The following PRAG1 variants were observed in gnomAD, a reference collection of about 807,000 sequenced individuals.
PRAG1 encodes the protein PEAK1 related, kinase-activating pseudokinase 1, also known as inactive tyrosine-protein kinase PRAG1.
Under a neutral mutation model 95.6 loss-of-function variants are expected in PRAG1, and 110 were observed. The ratio of observed to expected loss-of-function variants is 1.15; its 90% CI spans 0.99 to 1.35. The LOEUF (loss-of-function observed/expected upper bound fraction) is 1.35. PRAG1 is among the 40% of genes most tolerant of loss of function. PRAG1 has a pLI of 0.00. For synonymous variants in PRAG1, 1,052 were observed against 819.4 expected (o/e 1.28, Z -4.85); for missense variants, 2,554 against 1,864.7 (o/e 1.37, Z -6.81).
At chr8:8,379,405 T>C (rs1800558983) in intron 2 of PRAG1, among the ~76,000 whole-genome samples, 1 of 152,206 alleles carries the variant, frequency 6.6e-6, no homozygotes, top group Non-Finnish European at 1.5e-5. Context: ...GGCCTGCCTC[T>C]GGCTTCTTTC....
chr8:8,335,177 C>T (rs1414718031), intron 4 of PRAG1, among the ~76,000 whole-genome samples: 2 of 152,050 alleles, frequency 1.3e-5, no homozygotes, highest in Non-Finnish European at 2.9e-5. Context: ...TATGTCAGTT[C>T]CACTTCTTCT....
chr8:8,377,446 G>C lies in PRAG1; in HGVS notation c.963C>G (p.Ser321=), dbSNP rs767806147. The change falls in exon 3 of 6, where the codon TCC becomes TCG. Residue 321 remains serine, a synonymous_variant. Transcript: ENST00000615670. ...GGGACAGTTTCTTGGGGCCCAGGCAGGATGGGTGGGCAGTGGGGCCCTGGC... is the reference window on the plus strand; with the variant it reads ...GGGACAGTTTCTTGGGGCCCAGGCACGATGGGTGGGCAGTGGGGCCCTGGC... ...CCSQGPTAHP[S]CLGPKKLSLT... is the part of the protein sequence containing the mutation. The C allele has an allele frequency of 6.4e-7, 1 of 1,554,090 alleles. No homozygotes were observed. The highest frequency in any genetic ancestry group is 1.2e-5 in the South Asian group (1 of 80,532).
At chr8:8,356,022 G>A (rs73184338) in intron 3 of PRAG1, among the ~76,000 whole-genome samples, 16,847 of 152,218 alleles carry the variant, frequency 0.11, 1,028 homozygotes, top group African/African-American at 0.13. Context: ...TGCAAACCAC[G>A]TGTCTGATAA....
At position 8,328,202 on chromosome 8, in the gene PRAG1, A is replaced by C; in HGVS notation, c.2580T>G (p.Ser860=). 1 of 1,614,132 alleles carries C rather than the reference A, an allele frequency of 6.2e-7. No homozygotes were observed. The highest frequency in any genetic ancestry group is 8.5e-7 in the Non-Finnish European group (1 of 1,180,026). ...CGGGGCTCAACGAATAGCTAAAGTG[A>C]GATTCGTCGTGGACGTTGGTTTCCG... ...SHSETNVHDE[S]HFSYSLSPGN... Residue 860 remains serine, a synonymous_variant, in exon 5 of 6, where the codon TCT becomes TCG. Transcript: ENST00000615670.
At chr8:8,332,946 G>C (rs1318576943) in intron 4 of PRAG1, among the ~76,000 whole-genome samples, 1 of 151,680 alleles carries the variant, frequency 6.6e-6, no homozygotes, top group Admixed American at 6.6e-5. Context: ...AAATAACAGG[G>C]AACAAATATA....
intron 4 of PRAG1, among the ~76,000 whole-genome samples, chr8:8,331,971 C>A (rs1018383652): frequency 1.3e-5 from 2 of 152,074 alleles, no homozygotes; most frequent in Admixed American, 1.3e-4. Context: ...GTTTGGGGCA[C>A]CAAACTCAGT....
chr8:8,380,781 A>G (rs1260436270), intron 2 of PRAG1, among the ~76,000 whole-genome samples: 1 of 144,474 alleles, frequency 6.9e-6, no homozygotes, highest in South Asian at 2.2e-4. Context: ...TGAACCAGGG[A>G]GTCAGAGATT....
At chr8:8,346,565 G>C (rs775126301) in intron 3 of PRAG1, among the ~76,000 whole-genome samples, 1 of 152,156 alleles carries the variant, frequency 6.6e-6, no homozygotes, top group Non-Finnish European at 1.5e-5. Context: ...TTGGTGGAAA[G>C]CTGGAAAAAA....
intron 2 of PRAG1, among the ~76,000 whole-genome samples, chr8:8,380,013 G>C (rs143125762): frequency 1.3e-5 from 2 of 152,318 alleles, no homozygotes; most frequent in African/African-American, 2.4e-5. Context: ...GGCTGAGGCA[G>C]ATGGACCACT....
intron 4 of PRAG1, among the ~76,000 whole-genome samples, chr8:8,334,186 G>GCAATCCCAGTA (rs1798913653): frequency 6.6e-6 from 1 of 152,216 alleles, no homozygotes; most frequent in African/African-American, 2.4e-5. Flanking sequence ...ACTCATGCCT[G>GCAATCCCAGTA]CAATCCCAGT....
chr8:8,373,925 G>C (rs1012411404), intron 3 of PRAG1, among the ~76,000 whole-genome samples: 1 of 152,124 alleles, frequency 6.6e-6, no homozygotes, highest in African/African-American at 2.4e-5. Flanking sequence ...AACCCTACCT[G>C]AGTCATGTTG....
At position 8,376,557 on chromosome 8, in the gene PRAG1, A is replaced by G. The variant is rs1227282425; in HGVS notation, c.1852T>C (p.Ser618Pro). The G allele has an allele frequency of 1.2e-6, 2 of 1,608,846 alleles. No individual in the cohort carries two copies. Among genetic ancestry groups the G allele is most frequent in the Non-Finnish European group, 8.5e-7 (1 of 1,176,332 alleles). Residue 618 changes from serine (S) to proline (P), a missense_variant, in exon 3 of 6, where the codon TCG becomes CCG. By Grantham distance (74) the Ser-to-Pro change is moderately conservative. Coordinates refer to ENST00000615670, the MANE Select transcript of PRAG1 (RefSeq NM_001080826.3). ...GGCCGCCTCTGTTCCGAGGCTGACG[A>G]GGCGGCAGGCTGGGGACACCTGGAT... ...DPSRCPQPAA[S>P]SASEQRRPRF...
chr8:8,334,814 C>T (rs1163828873), intron 4 of PRAG1, among the ~76,000 whole-genome samples: 2 of 151,776 alleles, frequency 1.3e-5, no homozygotes, highest in African/African-American at 4.8e-5. Context: ...CGGGCACAGT[C>T]GCTCATGCCT....
chr8:8,373,068 G>C (rs1800265921), intron 3 of PRAG1, among the ~76,000 whole-genome samples: 1 of 152,174 alleles, frequency 6.6e-6, no homozygotes, highest in African/African-American at 2.4e-5. Context: ...CTTGTATGTT[G>C]CTTGAAGACC....
chr8:8,376,507 A>G lies in PRAG1; in HGVS notation c.1902T>C (p.Ser634=). Residue 634 remains serine (S), a synonymous_variant, in exon 3 of 6, where the codon AGT becomes AGC. Transcript: ENST00000615670. The part of the protein sequence containing the change: ...RRPRFQAGTW[S]RQCRIEEEEE... ...CTTCTTCCTCTATCCGGCACTGACG[A>G]CTCCAGGTGCCTGCCTGGAACCTGG... The G allele has an allele frequency of 6.2e-7, 1 of 1,609,626 alleles. No homozygotes were observed. Among genetic ancestry groups the G allele is most frequent in the Non-Finnish European group, 8.5e-7 (1 of 1,177,222 alleles).
chr8:8,341,197 G>C (rs1799150880), intron 3 of PRAG1, among the ~76,000 whole-genome samples: 1 of 152,242 alleles, frequency 6.6e-6, no homozygotes. Context: ...CACTAAGGGA[G>C]AAACTACAGC....
intron 3 of PRAG1, among the ~76,000 whole-genome samples, chr8:8,344,068 A>G (rs1044757946): frequency 3.6e-4 from 55 of 152,292 alleles, no homozygotes; most frequent in African/African-American, 1.3e-3. Context: ...AGTCCTTAAA[A>G]TGTGGCATGC....
chr8:8,377,142 C>T lies in PRAG1; in HGVS notation c.1267G>A (p.Ala423Thr), dbSNP rs1157311541. 1 of 1,612,404 alleles carries T rather than the reference C, an allele frequency of 6.2e-7. No individual in the cohort carries two copies. The highest frequency in any genetic ancestry group is 1.7e-5 in the Admixed American group (1 of 60,030). The change falls in exon 3 of 6, where the codon GCT (alanine) becomes ACT (threonine). Residue 423 changes from alanine (A) to threonine (T), a missense_variant. Transcript: ENST00000615670. ...GCCTGTGACTTGGAAGGCACCGGAG[C>T]TGCCTTCTTCCTCTTGGTGCTCTCA... The part of the protein sequence containing the change: ...YAESTKRKKA[A>T]PVPSKSQAKI...
At position 8,363,093 on chromosome 8, in the gene PRAG1, G is replaced by GTATA. The variant is rs60223631; in HGVS notation, c.2162+13150_2162+13153dup. 5.1e-4 allele frequency among the ~76,000 whole-genome samples: 73 copies of GTATA among 142,240 alleles called. No homozygotes were observed. In the East Asian group the frequency reaches 5.9e-3, roughly 12 times the overall value. 93.3% of individuals were successfully genotyped at this position (142,240 alleles called of 152,430 possible). ...TATAGATATATATATGTGTGCGTGT[G>GTATA]TATATATATATATACTTATATATAA... is the stretch of plus-strand genomic sequence containing the variant. On this transcript the variant is annotated intron_variant, in intron 3 of 5. Transcript: ENST00000615670.
Sources: gnomAD v4.1 joint callset for allele counts (sites outside exome capture counted in the v4.1 genomes callset) on GRCh38, gnomAD v4.1.1 for gene constraint, MANE v1.5 for transcripts, NCBI Gene and HGNC (gene_info 2026-07-23, HGNC 2026-07-21) for gene names.